The following TECPR2 variants were observed in gnomAD, a reference collection of about 807,000 sequenced individuals.
TECPR2 encodes tectonin beta-propeller repeat containing 2.
TECPR2 carries 65 observed loss-of-function variants against 138.1 expected under a neutral mutation model. The observed-to-expected ratio is 0.47, with a 90% CI of 0.39 to 0.58. TECPR2 has a LOEUF of 0.58. TECPR2 is among the 20% of genes least tolerant of loss of function. The pLI is 0.00. For missense variants in TECPR2, 1,553 were observed against 1,824.5 expected (o/e 0.85, Z 2.71); for synonymous variants, 746 against 749.8 (o/e 0.99, Z 0.08).
intron 2 of TECPR2, among the ~76,000 whole-genome samples, chr14:102,400,255 G>A (rs767093103): frequency 1.3e-4 from 19 of 151,878 alleles, no homozygotes; most frequent in Non-Finnish European, 2.2e-4. Flanking sequence ...CATGTTGGCC[G>A]GGCTGGTGTT....
intron 17 of TECPR2, among the ~76,000 whole-genome samples, chr14:102,483,954 G>T (rs1227680221): frequency 1.8e-5 from 1 of 54,198 alleles, no homozygotes; most frequent in Non-Finnish European, 3.6e-5. Context: ...CTGCCACCAT[G>T]CCTGGCTGAT....
At chr14:102,489,480 G>A (rs1417062704) in intron 17 of TECPR2, among the ~76,000 whole-genome samples, 2 of 152,092 alleles carry the variant, frequency 1.3e-5, no homozygotes, top group East Asian at 3.9e-4. Flanking sequence ...GCTAAGGTGG[G>A]TGGATCACAA....
At chr14:102,400,049 T>TC (rs1491375436) in intron 2 of TECPR2, among the ~76,000 whole-genome samples, 1 of 139,562 alleles carries the variant, frequency 7.2e-6, no homozygotes, top group Non-Finnish European at 1.6e-5. Context: ...TTTTCTTTTC[T>TC]TTTTTTTTTT....
Position 102,465,433 on chromosome 14 carries a change from C to T in TECPR2, c.3789+144C>T, listed in dbSNP as rs1450991898. 1.1e-5 allele frequency: 16 copies of T among 1,417,252 alleles called. No individual in the cohort carries two copies. The Admixed American group carries it at 1.2e-4, about 11-fold the overall frequency. The allele number at this position is 1,417,252 out of a possible 1,614,324, so 87.8% of individuals were successfully genotyped here. ...CATGCCCCCAGGGTCTACACACTCTCGTTCATCAACATCACAACTGGAATT... is the reference window on the plus strand; with the variant it reads ...CATGCCCCCAGGGTCTACACACTCTTGTTCATCAACATCACAACTGGAATT... On this transcript the variant is annotated intron_variant, in intron 17 of 19. Transcript: ENST00000359520.
Position 102,434,456 on chromosome 14 carries a change from T to C in TECPR2, c.1639T>C (p.Phe547Leu). 6.5e-7 allele frequency: 1 copy of C among 1,541,454 alleles called. No individual in the cohort carries two copies. The highest frequency in any genetic ancestry group is 8.7e-7 in the Non-Finnish European group (1 of 1,145,816). Reference sequence around the variant, plus strand: ...ACAGGAAAATACTGACCCCGAAACGTTTAATGTCCTGGAGGTGTCAGGATC... The same window carrying C: ...ACAGGAAAATACTGACCCCGAAACGCTTAATGTCCTGGAGGTGTCAGGATC... Reference protein sequence around the residue: ...VPQENTDPETFNVLEVSGSMP... With the variant: ...VPQENTDPETLNVLEVSGSMP... The change falls in exon 9 of 20, where the codon TTT (phenylalanine) becomes CTT (leucine). Residue 547 changes from phenylalanine (F) to leucine (L), a missense_variant. By Grantham distance (22) the Phe-to-Leu change is conservative. Transcript: ENST00000359520.
intron 2 of TECPR2, among the ~76,000 whole-genome samples, chr14:102,391,348 C>T (rs1888168229): frequency 6.6e-6 from 1 of 152,212 alleles, no homozygotes; most frequent in Non-Finnish European, 1.5e-5. Context: ...GCATGAGCCA[C>T]TGTGCCAGGC....
rs755615317 is a variant in TECPR2, at chr14:102,422,917, G to A, written c.639-2062G>A. ...ACGGACTGCATGTATGACAGTGGTC[G>A]CAGAAGATTATAATGGAGCTGAAAA... On this transcript the variant is annotated intron_variant, in intron 5 of 19. Transcript: ENST00000359520. Among the ~76,000 whole-genome samples the A allele has an allele frequency of 3.0e-4, 45 of 152,290 alleles. 1 individual carries two copies. The highest frequency in any genetic ancestry group is 1.3e-3 in the Admixed American group (20 of 15,304).
In TECPR2 at chr14:102,438,101, G is replaced by C. The variant is rs754730418; in HGVS notation, c.2474G>C (p.Cys825Ser). 3 of 1,614,144 alleles carry C rather than the reference G, an allele frequency of 1.9e-6. No homozygotes were observed. The East Asian group carries it at 6.7e-5, about 36-fold the overall frequency. The change falls in exon 10 of 20, where the codon TGC becomes TCC. Residue 825 changes from cysteine (C) to serine (S), a missense_variant. Cys to Ser is a moderately radical substitution (Grantham distance 112). Transcript: ENST00000359520. ...GTGGTCTCCGAGAAGTATATCTGGT[G>C]CCTGGACTACAAAGGCGGCCTGTTC... ...SLVVSEKYIW[C>S]LDYKGGLFCS...
chr14:102,483,546 A>G (rs138145103), intron 17 of TECPR2, among the ~76,000 whole-genome samples: 1,592 of 151,986 alleles, frequency 0.01, 30 homozygotes, highest in African/African-American at 0.036. Flanking sequence ...GGCTCAAGCA[A>G]TCCTCCCACC....
chr14:102,400,256 G>A (rs1043834188), intron 2 of TECPR2, among the ~76,000 whole-genome samples: 1 of 151,936 alleles, frequency 6.6e-6, no homozygotes, highest in Non-Finnish European at 1.5e-5. Flanking sequence ...ATGTTGGCCG[G>A]GCTGGTGTTA....
rs12890122 is a variant in TECPR2, at chr14:102,388,684, C to T, written c.219+11744C>T. ...TCTACTAAAAATACAAAAAAAAGGCCGGGTGCGGTGCCTCACACCTGTAAT... is the reference window on the plus strand; with the variant it reads ...TCTACTAAAAATACAAAAAAAAGGCTGGGTGCGGTGCCTCACACCTGTAAT... On this transcript the variant is annotated intron_variant, in intron 2 of 19. Coordinates refer to ENST00000359520, the MANE Select transcript of TECPR2 (RefSeq NM_014844.5). Among the ~76,000 whole-genome samples the T allele has an allele frequency of 9.0e-3, 1,373 of 151,984 alleles. 13 individuals carry two copies. The highest frequency in any genetic ancestry group is 0.012 in the Non-Finnish European group (813 of 67,980).
At chr14:102,425,880 T>G (rs1288871632) in intron 6 of TECPR2, among the ~76,000 whole-genome samples, 3 of 149,900 alleles carry the variant, frequency 2.0e-5, no homozygotes, top group African/African-American at 7.3e-5. Flanking sequence ...GGTTTTTTTT[T>G]TTGTTTTTTT....
chr14:102,431,676 C>A, intron 7 of TECPR2, 120 bp from the exon 8 acceptor site: 1 of 1,029,818 alleles, frequency 9.7e-7, no homozygotes, highest in Non-Finnish European at 1.4e-6. Context: ...TAGAATCATT[C>A]AGTTCTTTAG....
chr14:102,495,729 C>T (rs1028709156), intron 17 of TECPR2, among the ~76,000 whole-genome samples: 2 of 152,250 alleles, frequency 1.3e-5, no homozygotes, highest in African/African-American at 2.4e-5. Context: ...GTCTCTCCAT[C>T]CTCCATGTCC....
intron 7 of TECPR2, among the ~76,000 whole-genome samples, chr14:102,430,695 G>C (rs2139724309): frequency 6.6e-6 from 1 of 152,336 alleles, no homozygotes; most frequent in Admixed American, 6.5e-5. Flanking sequence ...ACTGCAGTGG[G>C]AAGCTCACTG....
At chr14:102,387,850 T>C (rs1888054180) in intron 2 of TECPR2, among the ~76,000 whole-genome samples, 2 of 152,102 alleles carry the variant, frequency 1.3e-5, no homozygotes, top group African/African-American at 4.8e-5. Context: ...TTAAATAGCA[T>C]TCCAGGGAAG....
rs370359037 is a variant in TECPR2, at chr14:102,434,733, T to C, written c.1916T>C (p.Phe639Ser). 4.3e-6 allele frequency: 7 copies of C among 1,613,560 alleles called. No individual in the cohort carries two copies. Among genetic ancestry groups the C allele is most frequent in the Non-Finnish European group, 5.1e-6 (6 of 1,180,022 alleles). Residue 639 changes from phenylalanine (F) to serine (S), a missense_variant, in exon 9 of 20, where the codon TTT becomes TCT. Transcript: ENST00000359520. Reference sequence around the variant, plus strand: ...CAACCCATTGGCCCCCAAAGCACTTTTTGTGAAGTCCCCCTCCTGAACTCA... The same window carrying C: ...CAACCCATTGGCCCCCAAAGCACTTCTTGTGAAGTCCCCCTCCTGAACTCA... ...DIQPIGPQST[F>S]CEVPLLNSLT... is the part of the protein sequence containing the mutation.
intron 16 of TECPR2, among the ~76,000 whole-genome samples, chr14:102,460,887 G>T (rs575542275): frequency 1.3e-5 from 2 of 151,706 alleles, no homozygotes; most frequent in South Asian, 4.2e-4. Flanking sequence ...AGTAGAGATG[G>T]GGCTTCACCG....
At chr14:102,489,385 G>C (rs926217559) in intron 17 of TECPR2, among the ~76,000 whole-genome samples, 1 of 151,680 alleles carries the variant, frequency 6.6e-6, no homozygotes, top group Admixed American at 6.6e-5. Context: ...TTGGGAGGCT[G>C]AGGTGGGTGG....
Sources: gnomAD v4.1 joint callset for allele counts (sites outside exome capture counted in the v4.1 genomes callset) on GRCh38, gnomAD v4.1.1 for gene constraint, MANE v1.5 for transcripts, NCBI Gene and HGNC (gene_info 2026-07-23, HGNC 2026-07-21) for gene names.